The following PLSCR4 variants were observed in gnomAD, a reference collection of about 807,000 sequenced individuals.
PLSCR4 encodes phospholipid scramblase 4.
In PLSCR4, 25 loss-of-function variants were observed where a neutral mutation model predicts 36.3. That is an observed-to-expected ratio of 0.69 (90% CI 0.50 to 0.96). The LOEUF is 0.96. Ranked by LOEUF, PLSCR4 falls within the 40% of genes least tolerant of loss-of-function variation. The pLI, the probability that PLSCR4 is intolerant of heterozygous loss-of-function variation, is 0.00. For synonymous variants in PLSCR4, 122 were observed against 132.9 expected (o/e 0.92, Z 0.56); for missense variants, 408 against 414.7 (o/e 0.98, Z 0.14).
intron 1 of PLSCR4, among the ~76,000 whole-genome samples, chr3:146,247,940 A>G (rs1411349273): frequency 6.6e-6 from 1 of 152,202 alleles, no homozygotes; most frequent in East Asian, 1.9e-4. Flanking sequence ...GCAATTAAAA[A>G]CAATTTTTTT....
At chr3:146,233,624 G>A (rs891590665) in intron 1 of PLSCR4, among the ~76,000 whole-genome samples, 1 of 152,220 alleles carries the variant, frequency 6.6e-6, no homozygotes, top group South Asian at 2.1e-4. Context: ...AAACATCTAT[G>A]ATGTGTCAGG....
chr3:146,195,681 G>C (rs2033698395), intron 7 of PLSCR4, among the ~76,000 whole-genome samples: 1 of 152,174 alleles, frequency 6.6e-6, no homozygotes, highest in African/African-American at 2.4e-5. Context: ...TTAAGTTTTT[G>C]TGAGTGAAAT....
intron 4 of PLSCR4, among the ~76,000 whole-genome samples, chr3:146,205,044 T>C (rs139468900): frequency 3.9e-5 from 6 of 152,020 alleles, no homozygotes; most frequent in East Asian, 1.9e-4. Flanking sequence ...ATTATCAGGG[T>C]CCCTGTCAAT....
intron 4 of PLSCR4, among the ~76,000 whole-genome samples, chr3:146,205,755 A>T (rs775785691): frequency 1.1e-4 from 17 of 152,116 alleles, no homozygotes; most frequent in Non-Finnish European, 2.4e-4. Flanking sequence ...TCCATTTAAT[A>T]TTTTTGGAAC....
rs1232007105 is a variant in PLSCR4 at position 146,192,556 on chromosome 3, TA to T, written c.*1854del. On this transcript the variant is annotated 3_prime_UTR_variant, in exon 9 of 9. Coordinates refer to ENST00000354952, the MANE Select transcript of PLSCR4 (RefSeq NM_020353.3). ...ACTCTAAGAGACAAATATAATTTTTTAAAAAAGAAATTAAAAATATCACGTC... is the reference window on the plus strand; with the variant it reads ...ACTCTAAGAGACAAATATAATTTTTTAAAAAGAAATTAAAAATATCACGTC... 2.6e-5 allele frequency: 4 copies of T among 151,650 alleles called. No individual in the cohort carries two copies. The South Asian group carries it at 6.2e-4, about 24-fold the overall frequency. The allele number at this position is 151,650 out of a possible 1,614,324, so 9.4% of individuals were successfully genotyped here.
Position 146,199,922 on chromosome 3 carries a change from C to T in PLSCR4, c.515G>A (p.Arg172Lys), listed in dbSNP as rs1341694487. Reference protein sequence around the residue: ...DFTRNAYRTLRPFVLRVTDCM... With the variant: ...DFTRNAYRTLKPFVLRVTDCM... ...ATCAGTGACCCGGAGGACGAAGGGCCTTAGTGTCCGATAGGCATTCCTGGT... is the reference window on the plus strand; with the variant it reads ...ATCAGTGACCCGGAGGACGAAGGGCTTTAGTGTCCGATAGGCATTCCTGGT... The change falls in exon 6 of 9, where the codon AGG becomes AAG. Residue 172 changes from arginine (R) to lysine (K), a missense_variant. Transcript: ENST00000354952. 2 of 1,613,400 alleles carry T rather than the reference C, an allele frequency of 1.2e-6. No individual in the cohort carries two copies. The highest frequency in any genetic ancestry group is 1.7e-6 in the Non-Finnish European group (2 of 1,179,754).
At chr3:146,227,260 C>G (rs1284431348) in intron 1 of PLSCR4, among the ~76,000 whole-genome samples, 2 of 152,034 alleles carry the variant, frequency 1.3e-5, no homozygotes, top group Non-Finnish European at 2.9e-5. Flanking sequence ...ATTGCAGAGG[C>G]CTTGGTATTT....
intron 1 of PLSCR4, among the ~76,000 whole-genome samples, chr3:146,232,523 T>A (rs1436904750): frequency 1.3e-5 from 2 of 152,178 alleles, no homozygotes; most frequent in Non-Finnish European, 2.9e-5. Flanking sequence ...CTTTCAGCAG[T>A]GTTTTGTAAT....
At chr3:146,214,117 C>CTTTTTTT (rs1300325064) in intron 3 of PLSCR4, among the ~76,000 whole-genome samples, 1 of 55,804 alleles carries the variant, frequency 1.8e-5, no homozygotes, top group African/African-American at 5.7e-5. Flanking sequence ...TGATATCTTC[C>CTTTTTTT]TTTTTTTTTT....
chr3:146,196,754 C>A lies in PLSCR4; in HGVS notation c.664G>T (p.Val222Phe). Residue 222 changes from valine (V) to phenylalanine (F), a missense_variant, in exon 7 of 9, where the codon GTT (valine) becomes TTT (phenylalanine). Coordinates refer to ENST00000354952, the MANE Select transcript of PLSCR4 (RefSeq NM_020353.3). ...QCPPGVTIGF[V>F]AEHWNLCRAV... is the part of the protein sequence containing the mutation. Reference sequence around the variant, plus strand: ...CTGCACAGGTTCCAATGTTCCGCAACAAAGCCAATGGTGACACCAGGAGGA... The same window carrying A: ...CTGCACAGGTTCCAATGTTCCGCAAAAAAGCCAATGGTGACACCAGGAGGA... 2 of 1,613,930 alleles carry A rather than the reference C, an allele frequency of 1.2e-6. No individual in the cohort carries two copies. The highest frequency in any genetic ancestry group is 1.7e-6 in the Non-Finnish European group (2 of 1,179,908).
intron 1 of PLSCR4, among the ~76,000 whole-genome samples, chr3:146,224,845 C>A (rs994830560): frequency 1.3e-5 from 2 of 148,638 alleles, no homozygotes; most frequent in African/African-American, 4.9e-5. Flanking sequence ...ACGTCCCCAT[C>A]AGATTAGTTA....
chr3:146,210,795 C>A (rs1420379945), intron 3 of PLSCR4, among the ~76,000 whole-genome samples: 3 of 151,928 alleles, frequency 2.0e-5, no homozygotes, highest in Non-Finnish European at 4.4e-5. Flanking sequence ...TGTGGATTTG[C>A]CTAATCTACA....
chr3:146,220,022 A>G (rs1020063132), intron 3 of PLSCR4, among the ~76,000 whole-genome samples: 2 of 152,140 alleles, frequency 1.3e-5, no homozygotes, highest in African/African-American at 2.4e-5. Context: ...GCATAACACA[A>G]TGGTTTCTAC....
intron 1 of PLSCR4, among the ~76,000 whole-genome samples, chr3:146,231,161 C>T (rs2035694925): frequency 6.6e-6 from 1 of 152,108 alleles, no homozygotes; most frequent in South Asian, 2.1e-4. Context: ...GGATGATGGC[C>T]TCCAACTGCA....
chr3:146,229,037 C>T (rs2108314813), intron 1 of PLSCR4, among the ~76,000 whole-genome samples: 1 of 152,236 alleles, frequency 6.6e-6, no homozygotes. Flanking sequence ...GATGTATTAA[C>T]TATTTTCTTC....
At chr3:146,215,041 A>C (rs2034830144) in intron 3 of PLSCR4, among the ~76,000 whole-genome samples, 1 of 151,966 alleles carries the variant, frequency 6.6e-6, no homozygotes, top group African/African-American at 2.4e-5. Context: ...TCTAGTAATA[A>C]TTTTTTCCTC....
intron 1 of PLSCR4, among the ~76,000 whole-genome samples, chr3:146,227,535 C>T (rs1362468592): frequency 2.0e-5 from 3 of 152,218 alleles, no homozygotes; most frequent in African/African-American, 7.2e-5. Flanking sequence ...GTGACAAACT[C>T]TCAGAACCTG....
At chr3:146,198,012 TG>T (rs1373323853) in intron 6 of PLSCR4, among the ~76,000 whole-genome samples, 9 of 152,134 alleles carry the variant, frequency 5.9e-5, no homozygotes, top group Admixed American at 4.6e-4. Flanking sequence ...TAAAAGGGAA[TG>T]AACTAGTGGT....
chr3:146,232,791 G>T (rs2035768352), intron 1 of PLSCR4, among the ~76,000 whole-genome samples: 1 of 152,146 alleles, frequency 6.6e-6, no homozygotes. Context: ...TGTGAAGATA[G>T]TTTGACTTCC....
Sources: gnomAD v4.1 joint callset for allele counts (sites outside exome capture counted in the v4.1 genomes callset) on GRCh38, gnomAD v4.1.1 for gene constraint, MANE v1.5 for transcripts, NCBI Gene and HGNC (gene_info 2026-07-23, HGNC 2026-07-21) for gene names.